Variants in OTOGL observed in about 807,000 individuals in gnomAD.
OTOGL encodes otogelin-like protein.
In OTOGL, 285 loss-of-function variants were observed where a neutral mutation model predicts 318.5. That is an observed-to-expected ratio of 0.89 (90% confidence interval 0.81 to 0.99). The LOEUF (loss-of-function observed/expected upper bound fraction) is 0.99. OTOGL is among the 50% of genes least tolerant of loss of function. The pLI is 0.00. For synonymous variants in OTOGL, 987 were observed against 936.5 expected, an observed-to-expected ratio of 1.05 and a Z score of -0.99; for missense variants, 2,899 against 2,845.6, an observed-to-expected ratio of 1.02 and a Z score of -0.43.
At chr12:80,327,388 T>C (rs1373777471) in intron 35 of OTOGL, among the ~76,000 whole-genome samples, 1 of 152,166 alleles carries the variant, frequency 6.6e-6, no homozygotes, top group Non-Finnish European at 1.5e-5. Flanking sequence ...CAGGCTGTCA[T>C]ACAACCATGT....
chr12:80,130,314 C>T lies in OTOGL; in HGVS notation c.-20+30709C>T, dbSNP rs184378180. Reference sequence around the variant, plus strand: ...TGTTCCAGCAAAGATGCAGAGAAAACACATCAGCATTTGTCTTGGATATAG... The same window carrying T: ...TGTTCCAGCAAAGATGCAGAGAAAATACATCAGCATTTGTCTTGGATATAG... On this transcript the variant is annotated intron_variant, in intron 1 of 58. Coordinates refer to ENST00000547103, the MANE Select transcript of OTOGL (RefSeq NM_001378609.3). 2.6e-3 allele frequency among the ~76,000 whole-genome samples: 397 copies of T among 152,280 alleles called. 2 individuals carry two copies. Among genetic ancestry groups the T allele is most frequent in the African/African-American group, 9.0e-3 (375 of 41,560 alleles).
intron 1 of OTOGL, among the ~76,000 whole-genome samples, chr12:80,165,687 A>G (rs183580928): frequency 8.5e-4 from 129 of 152,308 alleles, no homozygotes; most frequent in African/African-American, 3.0e-3. Context: ...CTGGATTTAT[A>G]CAAGTCACAG....
intron 46 of OTOGL, 103 bp downstream of exon 46, chr12:80,353,613 G>A: frequency 1.1e-6 from 1 of 910,146 alleles, no homozygotes; most frequent in Non-Finnish European, 1.5e-6. Flanking sequence ...ATCAAAGACA[G>A]CCTCTGTTGG....
chr12:80,141,367 AACC>A (rs1241487553), intron 1 of OTOGL, among the ~76,000 whole-genome samples: 3 of 152,146 alleles, frequency 2.0e-5, no homozygotes, highest in East Asian at 3.8e-4. Context: ...ATCATTTTTC[AACC>A]ATCAAGATAT....
chr12:80,263,538 A>G (rs973610374), intron 19 of OTOGL, among the ~76,000 whole-genome samples: 5 of 152,130 alleles, frequency 3.3e-5, no homozygotes, highest in Non-Finnish European at 5.9e-5. Context: ...TAAACTATTT[A>G]TATTTTGAGA....
chr12:80,128,139 T>A (rs1870979319), intron 1 of OTOGL, among the ~76,000 whole-genome samples: 1 of 152,228 alleles, frequency 6.6e-6, no homozygotes, highest in Non-Finnish European at 1.5e-5. Context: ...TTTTCAGTTT[T>A]TCTGCTCTGT....
intron 1 of OTOGL, among the ~76,000 whole-genome samples, chr12:80,174,950 G>A (rs945442934): frequency 6.6e-6 from 1 of 150,932 alleles, no homozygotes; most frequent in Non-Finnish European, 1.5e-5. Flanking sequence ...AAAAAAAACT[G>A]AGTAAAATAC....
At chr12:80,107,795 C>A (rs555910526) in intron 1 of OTOGL, among the ~76,000 whole-genome samples, 1 of 152,070 alleles carries the variant, frequency 6.6e-6, no homozygotes, top group African/African-American at 2.4e-5. Flanking sequence ...ATGACCTTTG[C>A]AGCAACATGA....
In OTOGL at chr12:80,262,113, T is replaced by C. The variant is rs763996893; in HGVS notation, c.2014+20T>C. The C allele has an allele frequency of 8.1e-6, 13 of 1,597,376 alleles. No homozygotes were observed. In the Admixed American group the frequency reaches 2.2e-4, roughly 27 times the overall value. On this transcript the variant is annotated intron_variant, in intron 19 of 58. Coordinates refer to ENST00000547103, the MANE Select transcript of OTOGL (RefSeq NM_001378609.3). ...AAAACAGTAAGTTTTGCATGTAAAC[T>C]TCCTTTCTGCTGTAAACTTAGGGAA...
At chr12:80,107,309 C>T (rs780643170) in intron 1 of OTOGL, among the ~76,000 whole-genome samples, 18 of 152,000 alleles carry the variant, frequency 1.2e-4, no homozygotes, top group Non-Finnish European at 2.5e-4. Context: ...ATGTGGCTAA[C>T]AAGCATATGA....
chr12:80,357,145 A>C (rs1316071491), intron 49 of OTOGL, among the ~76,000 whole-genome samples: 1 of 152,206 alleles, frequency 6.6e-6, no homozygotes, highest in Non-Finnish European at 1.5e-5. Flanking sequence ...AATATGACCA[A>C]GATATTTAAA....
intron 1 of OTOGL, among the ~76,000 whole-genome samples, chr12:80,144,631 A>G (rs1265844597): frequency 6.6e-6 from 1 of 152,068 alleles, no homozygotes; most frequent in African/African-American, 2.4e-5. Context: ...GAATCACCAC[A>G]ATGACTTCCA....
chr12:80,255,318 G>A (rs1881938492), intron 16 of OTOGL, 133 bp downstream of exon 16: 3 of 906,780 alleles, frequency 3.3e-6, no homozygotes, highest in Non-Finnish European at 4.5e-6. Flanking sequence ...TGATTATTAA[G>A]ATACATCATT....
At chr12:80,278,753 C>T (rs10862084) in intron 25 of OTOGL, among the ~76,000 whole-genome samples, 1 of 151,302 alleles carries the variant, frequency 6.6e-6, no homozygotes, top group South Asian at 2.1e-4. Flanking sequence ...ACCAGCAGAC[C>T]TGTGTTCAGT....
At chr12:80,174,523 A>G (rs1332719946) in intron 1 of OTOGL, among the ~76,000 whole-genome samples, 1 of 152,150 alleles carries the variant, frequency 6.6e-6, no homozygotes, top group Admixed American at 6.5e-5. Flanking sequence ...TAGTTTAGAG[A>G]GTTAAAGGAT....
At position 80,193,492 on chromosome 12, in the gene OTOGL, G is replaced by A. The variant is rs143645101; in HGVS notation, c.-19-15921G>A. 5.5e-3 allele frequency among the ~76,000 whole-genome samples: 837 copies of A among 152,044 alleles called. 10 individuals are homozygous for A. Among genetic ancestry groups the A allele is most frequent in the African/African-American group, 0.019 (795 of 41,448 alleles). On this transcript the variant is annotated intron_variant, in intron 1 of 58. Transcript: ENST00000547103. The stretch of plus-strand genomic sequence containing the variant: ...GATTGTGCCACTGCACTCCACCCTG[G>A]GTGTCAGAGTGAGACTTCATCTAAA...
chr12:80,138,649 A>G (rs1397430535), intron 1 of OTOGL, among the ~76,000 whole-genome samples: 7 of 152,202 alleles, frequency 4.6e-5, no homozygotes, highest in Admixed American at 3.3e-4. Flanking sequence ...GCCAATAGCT[A>G]CATTAGCACT....
chr12:80,126,717 G>A (rs917999944), intron 1 of OTOGL, among the ~76,000 whole-genome samples: 1 of 152,042 alleles, frequency 6.6e-6, no homozygotes, highest in African/African-American at 2.4e-5. Flanking sequence ...TATGAATCTG[G>A]GTGCTCTTGT....
chr12:80,244,418 G>A (rs1424811761), intron 11 of OTOGL, among the ~76,000 whole-genome samples: 7 of 148,076 alleles, frequency 4.7e-5, no homozygotes, highest in South Asian at 4.3e-4. Context: ...AGAATATGCC[G>A]TGTTTGGTTT....
Sources: allele counts gnomAD v4.1 joint callset (sites outside exome capture counted in the v4.1 genomes callset), GRCh38; gene constraint gnomAD v4.1.1; transcripts MANE v1.5; gene names NCBI Gene and HGNC (gene_info 2026-07-23, HGNC 2026-07-21).